CSRNP2: variants seen among roughly 807,000 people sequenced by gnomAD.
The protein encoded by CSRNP2 is cysteine/serine-rich nuclear protein 2.
A neutral mutation model predicts 36.6 loss-of-function variants in CSRNP2; 11 were observed. The ratio of observed to expected loss-of-function variants is 0.30; its 90% CI spans 0.19 to 0.50. CSRNP2 has a LOEUF of 0.50. Ranked by LOEUF, CSRNP2 falls within the 20% of genes least tolerant of loss-of-function variation. The pLI, the probability that CSRNP2 is intolerant of heterozygous loss-of-function variation, is 0.98. For missense variants in CSRNP2, 483 were observed against 691.4 expected (o/e 0.70, Z 3.38); for synonymous variants, 248 against 275.3 (o/e 0.90, Z 0.98).
chr12:51,079,902 G>A (rs185520195), intron 1 of CSRNP2, among the ~76,000 whole-genome samples: 143 of 148,406 alleles, frequency 9.6e-4, no homozygotes, highest in Admixed American at 2.1e-3. Context: ...GTGAAACCCC[G>A]TCTCTACCAA....
At chr12:51,065,348 C>T (rs1938057552) in intron 4 of CSRNP2, among the ~76,000 whole-genome samples, 1 of 152,140 alleles carries the variant, frequency 6.6e-6, no homozygotes, top group Non-Finnish European at 1.5e-5. Context: ...ATGCTTTCTA[C>T]CTCCTTATCA....
intron 3 of CSRNP2, among the ~76,000 whole-genome samples, chr12:51,068,490 T>C (rs1236254978): frequency 6.6e-6 from 1 of 152,166 alleles, no homozygotes; most frequent in Non-Finnish European, 1.5e-5. Context: ...GGCTGCTATA[T>C]TCACTAGCAC....
chr12:51,081,419 C>T (rs901465611), intron 1 of CSRNP2: 2 of 152,326 alleles, frequency 1.3e-5, no homozygotes, highest in African/African-American at 4.8e-5. Context: ...AAAAATCAGT[C>T]ATTCCTACCT....
chr12:51,067,994 C>G lies in CSRNP2; in HGVS notation c.412-25G>C, dbSNP rs1459528337. ...GCTGCCAAGAGACAGGAAAGGTTAGCCTCATAGACATGAGCGGCATGCACC... is the reference window on the plus strand; with the variant it reads ...GCTGCCAAGAGACAGGAAAGGTTAGGCTCATAGACATGAGCGGCATGCACC... On this transcript the variant is annotated intron_variant, in intron 3 of 4. Transcript: ENST00000228515. The surrounding 1 kb of genome is among the most constrained non-coding windows in gnomAD (Gnocchi z 4.1). 1 of 1,606,168 alleles carries G rather than the reference C, an allele frequency of 6.2e-7. No homozygotes were observed. The highest frequency in any genetic ancestry group is 8.5e-7 in the Non-Finnish European group (1 of 1,174,768).
Position 51,067,593 on chromosome 12 carries a change from C to T in CSRNP2, c.708+80G>A. 7.2e-7 allele frequency: 1 copy of T among 1,383,310 alleles called. No homozygotes were observed. Among genetic ancestry groups the T allele is most frequent in the Non-Finnish European group, 1.0e-6 (1 of 993,830 alleles). 85.7% of individuals were successfully genotyped at this position (1,383,310 alleles called of 1,614,324 possible). Reference sequence around the variant, plus strand: ...CATAGGGAATCCACCCCTGAATGGGCCTCCCATGTTCAGTGGCACCCACAC... The same window carrying T: ...CATAGGGAATCCACCCCTGAATGGGTCTCCCATGTTCAGTGGCACCCACAC... On this transcript the variant is annotated intron_variant, in intron 4 of 4. Coordinates refer to ENST00000228515, the MANE Select transcript of CSRNP2 (RefSeq NM_030809.3). The surrounding 1 kb of genome is among the most constrained non-coding windows in gnomAD (Gnocchi z 4.1).
At chr12:51,074,740 C>T (rs546970722) in intron 2 of CSRNP2, among the ~76,000 whole-genome samples, 12 of 152,232 alleles carry the variant, frequency 7.9e-5, no homozygotes, top group African/African-American at 2.4e-4. Context: ...CCATGTGTGG[C>T]AATTTAAGCT....
rs756083745 is a variant in CSRNP2, at chr12:51,067,666, G to A, written c.708+7C>T. On this transcript the variant is annotated splice_region_variant and intron_variant, in intron 4 of 4. Transcript: ENST00000228515. The surrounding 1 kb of genome is among the most constrained non-coding windows in gnomAD (Gnocchi z 4.1). ...AGATATACTATCTCAGGCCAACTTG[G>A]ACTGACCTGGCATTTAATCCCAGCC... 6.2e-7 allele frequency: 1 copy of A among 1,611,496 alleles called. No homozygotes were observed. The highest frequency in any genetic ancestry group is 8.5e-7 in the Non-Finnish European group (1 of 1,178,434).
Position 51,076,638 on chromosome 12 carries a change from C to T in CSRNP2, c.-77G>A. The T allele has an allele frequency of 6.5e-7, 1 of 1,539,378 alleles. No homozygotes were observed. On this transcript the variant is annotated 5_prime_UTR_variant, in exon 2 of 5. An upstream start codon of the reference 5' UTR is lost. Coordinates refer to ENST00000228515, the MANE Select transcript of CSRNP2 (RefSeq NM_030809.3). ...CTACTCACCACCAGCTAGCCAGGTA[C>T]ATTAGGATTCTGCCCAGGGAAAAAA... is the stretch of plus-strand genomic sequence containing the variant.
chr12:51,066,377 C>A (rs577382692), intron 4 of CSRNP2, among the ~76,000 whole-genome samples: 2 of 149,452 alleles, frequency 1.3e-5, no homozygotes, highest in Non-Finnish European at 3.0e-5. Context: ...TGCTTGAACC[C>A]GGGAGGCAGA....
At chr12:51,079,342 C>T (rs578165923) in intron 1 of CSRNP2, among the ~76,000 whole-genome samples, 1 of 151,576 alleles carries the variant, frequency 6.6e-6, no homozygotes, top group Admixed American at 6.6e-5. Context: ...CACATATACC[C>T]TAGAACTTAA....
chr12:51,078,850 G>A, intron 1 of CSRNP2, among the ~76,000 whole-genome samples: 1 of 152,090 alleles, frequency 6.6e-6, no homozygotes, highest in Non-Finnish European at 1.5e-5. Context: ...AATACCATTT[G>A]ACCCAGCCAT....
chr12:51,064,175 T>C lies in CSRNP2; in HGVS notation c.1203A>G (p.Pro401=), dbSNP rs748835884. Residue 401 remains proline (P), a synonymous_variant, in exon 5 of 5, where the codon CCA becomes CCG. Coordinates refer to ENST00000228515, the MANE Select transcript of CSRNP2 (RefSeq NM_030809.3). ...VLCFTENSDH[P]TASTVNSPSY... is the part of the protein sequence containing the mutation. Reference sequence around the variant, plus strand: ...ATGGGCTGTTCACCGTTGAGGCAGTTGGGTGGTCTGAGTTCTCGGTAAAAC... The same window carrying C: ...ATGGGCTGTTCACCGTTGAGGCAGTCGGGTGGTCTGAGTTCTCGGTAAAAC... The C allele has an allele frequency of 2.0e-5, 33 of 1,614,138 alleles. No homozygotes were observed. Among genetic ancestry groups the C allele is most frequent in the Non-Finnish European group, 2.8e-5 (33 of 1,180,000 alleles).
intron 3 of CSRNP2, among the ~76,000 whole-genome samples, chr12:51,068,344 G>A (rs1938619410): frequency 6.6e-6 from 1 of 152,058 alleles, no homozygotes; most frequent in African/African-American, 2.4e-5. Flanking sequence ...TAAAGACAGG[G>A]TTTCACTGTG....
intron 3 of CSRNP2, among the ~76,000 whole-genome samples, chr12:51,070,968 T>A (rs551693611): frequency 6.6e-6 from 1 of 151,970 alleles, no homozygotes; most frequent in African/African-American, 2.4e-5. Context: ...AGACCCCATC[T>A]CTACAAAAAC....
chr12:51,071,441 AG>A lies in CSRNP2; in HGVS notation c.411+2381del, dbSNP rs1321767728. 1.3e-4 allele frequency among the ~76,000 whole-genome samples: 19 copies of A among 150,602 alleles called. No individual in the cohort carries two copies. The East Asian group carries it at 3.3e-3, about 26-fold the overall frequency. ...AAAAAATCTAAGCAAAGAATAAACT[AG>A]GTAAGGTAAAGCAAGGGATTCCTCT... On this transcript the variant is annotated intron_variant, in intron 3 of 4. Transcript: ENST00000228515.
chr12:51,072,820 G>T (rs1356110537), intron 3 of CSRNP2, among the ~76,000 whole-genome samples: 1 of 152,152 alleles, frequency 6.6e-6, no homozygotes, highest in African/African-American at 2.4e-5. Context: ...TGTGCATCCG[G>T]CCAAGGGACA....
chr12:51,067,057 T>C lies in CSRNP2; in HGVS notation c.708+616A>G, dbSNP rs1205475514. 6.6e-6 allele frequency among the ~76,000 whole-genome samples: 1 copy of C among 152,116 alleles called. No individual in the cohort carries two copies. Among genetic ancestry groups the C allele is most frequent in the African/African-American group, 2.4e-5 (1 of 41,420 alleles). Reference sequence around the variant, plus strand: ...GTTGCCCAGGCTGGTCTCGAACTCCTGGGAAGCAATCTGCCTGCCTGCCTC... The same window carrying C: ...GTTGCCCAGGCTGGTCTCGAACTCCCGGGAAGCAATCTGCCTGCCTGCCTC... On this transcript the variant is annotated intron_variant, in intron 4 of 4. Transcript: ENST00000228515. This position sits in a 1 kb window ranked among gnomAD's most constrained non-coding sequence, Gnocchi z 4.1.
At chr12:51,076,818 T>C in intron 1 of CSRNP2, 171 bp from the exon 2 acceptor site, 1 of 443,582 alleles carries the variant, frequency 2.3e-6, no homozygotes, top group Non-Finnish European at 4.1e-6. Context: ...TTCGTTTCCC[T>C]TCAGCCCCTC....
At chr12:51,073,727 GA>G (rs55789323) in intron 3 of CSRNP2, 95 bp downstream of exon 3, 223,746 of 1,011,242 alleles carry the variant, frequency 0.22, 2,127 homozygotes, top group Middle Eastern at 0.24. Flanking sequence ...CTCTGTCCCA[GA>G]AAAAAAAAAA....
Sources: allele counts gnomAD v4.1 joint callset (sites outside exome capture counted in the v4.1 genomes callset), GRCh38; gene constraint gnomAD v4.1.1; non-coding constraint Gnocchi (gnomAD v3.1); transcripts MANE v1.5; gene names NCBI Gene and HGNC (gene_info 2026-07-23, HGNC 2026-07-21).